The following NAALADL2 variants were observed in gnomAD, a reference collection of about 807,000 sequenced individuals.
NAALADL2 encodes inactive N-acetylated-alpha-linked acidic dipeptidase-like protein 2.
A neutral mutation model predicts 87.2 loss-of-function variants in NAALADL2; 76 were observed. That is an observed-to-expected ratio of 0.87 (90% CI 0.72 to 1.05). NAALADL2 has a LOEUF of 1.05. Among genes scored for constraint, NAALADL2 ranks in the 50% least tolerant of loss-of-function variants. The pLI, the probability that NAALADL2 is intolerant of heterozygous loss-of-function variation, is 0.00. For synonymous variants in NAALADL2, 354 were observed against 331.0 expected, an observed-to-expected ratio of 1.07 and a Z score of -0.75; for missense variants, 1,089 against 945.8, an observed-to-expected ratio of 1.15 and a Z score of -1.99.
intron 5 of NAALADL2, among the ~76,000 whole-genome samples, chr3:175,379,439 C>G (rs894794570): frequency 6.6e-6 from 1 of 152,058 alleles, no homozygotes; most frequent in Non-Finnish European, 1.5e-5. Context: ...GCTTTAGGCA[C>G]TTACAAATGC....
intron 9 of NAALADL2, among the ~76,000 whole-genome samples, chr3:175,520,825 GTGTT>G (rs1317903654): frequency 6.6e-6 from 1 of 152,166 alleles, no homozygotes; most frequent in Non-Finnish European, 1.5e-5. Context: ...TTAGAAGAGA[GTGTT>G]TGTTGATTGG....
At position 175,686,697 on chromosome 3, in the gene NAALADL2, A is replaced by G. The variant is rs73881351; in HGVS notation, c.1897-50609A>G. 4.8e-3 allele frequency among the ~76,000 whole-genome samples: 724 copies of G among 152,274 alleles called. 6 individuals are homozygous for G. The highest frequency in any genetic ancestry group is 0.016 in the African/African-American group (668 of 41,564). The stretch of plus-strand genomic sequence containing the variant: ...TAGATTATTTTCTTCGTGAAGATTT[A>G]TATAACAAATGGTTTCAAACAGCTT... On this transcript the variant is annotated intron_variant, in intron 11 of 13. Coordinates refer to ENST00000454872, the MANE Select transcript of NAALADL2 (RefSeq NM_207015.3).
chr3:175,580,475 A>C (rs1719599625), intron 10 of NAALADL2, among the ~76,000 whole-genome samples: 2 of 152,252 alleles, frequency 1.3e-5, no homozygotes, highest in East Asian at 1.9e-4. Context: ...TTTGGAACTG[A>C]GTCATAATCA....
At chr3:174,997,092 C>T (rs1747601727) in intron 1 of NAALADL2, among the ~76,000 whole-genome samples, 1 of 149,002 alleles carries the variant, frequency 6.7e-6, no homozygotes, top group South Asian at 2.1e-4. Context: ...GGTCCATGAG[C>T]ACTTAGATTG....
intron 2 of NAALADL2, among the ~76,000 whole-genome samples, chr3:175,112,305 C>T (rs1037961583): frequency 6.6e-6 from 1 of 151,490 alleles, no homozygotes; most frequent in Non-Finnish European, 1.5e-5. Context: ...TTTCCTGTCT[C>T]TTCCAAGTCA....
At chr3:175,552,057 A>T (rs1244027476) in intron 9 of NAALADL2, among the ~76,000 whole-genome samples, 3 of 152,058 alleles carry the variant, frequency 2.0e-5, no homozygotes, top group Non-Finnish European at 4.4e-5. Context: ...GCTTAAACCT[A>T]TGTGTATATA....
upstream of NAALADL2, among the ~76,000 whole-genome samples, chr3:174,854,379 G>A (rs1450730896): frequency 6.6e-6 from 1 of 152,124 alleles, no homozygotes; most frequent in African/African-American, 2.4e-5. Context: ...ACTAGTGGAT[G>A]GGAAACCTAG....
At chr3:175,053,401 C>G (rs534439986) in intron 1 of NAALADL2, among the ~76,000 whole-genome samples, 1 of 152,250 alleles carries the variant, frequency 6.6e-6, no homozygotes, top group East Asian at 1.9e-4. Flanking sequence ...TTGATCCTCC[C>G]CAGGTGGTTG....
intron 2 of NAALADL2, among the ~76,000 whole-genome samples, chr3:175,138,187 A>T (rs1729415082): frequency 6.6e-6 from 1 of 152,194 alleles, no homozygotes; most frequent in African/African-American, 2.4e-5. Flanking sequence ...AGGTTCAAAA[A>T]GTCAAAAAAG....
rs1319160216 is a variant in NAALADL2, at chr3:174,441,021, C to G, written c.-195C>G. The G allele has an allele frequency of 2.0e-5, 3 of 152,134 alleles. No individual in the cohort carries two copies. The East Asian group carries it at 5.8e-4, about 29-fold the overall frequency. 9.4% of individuals were successfully genotyped at this position (152,134 alleles called of 1,614,324 possible). On this transcript the variant is annotated 5_prime_UTR_variant, in exon 1 of 4. Transcript: ENST00000434257. The stretch of plus-strand genomic sequence containing the variant: ...GCCGTACCGCAGACGAGCCCGCGCC[C>G]GCGCCGCTCAGGTAATCGGAGTCCT...
rs561499647 is a variant in NAALADL2, at chr3:174,911,483, G to T, written c.43+52033G>T. 3.3e-3 allele frequency among the ~76,000 whole-genome samples: 505 copies of T among 152,210 alleles called. 9 individuals carry two copies. Among genetic ancestry groups the T allele is most frequent in the African/African-American group, 0.011 (471 of 41,504 alleles). On this transcript the variant is annotated intron_variant, in intron 1 of 13. Transcript: ENST00000454872. ...GGATGGAAGTGATTGCTAGAAGATG[G>T]ATAATGAAAGAGGTGACTGGTAAGA...
At chr3:174,894,374 T>C (rs1731232989) in intron 1 of NAALADL2, among the ~76,000 whole-genome samples, 1 of 151,834 alleles carries the variant, frequency 6.6e-6, no homozygotes, top group African/African-American at 2.4e-5. Flanking sequence ...GTGGATCACC[T>C]GAGGTCAGGA....
intron 2 of NAALADL2, among the ~76,000 whole-genome samples, chr3:174,686,422 TCA>T (rs2108840068): frequency 6.6e-6 from 1 of 152,310 alleles, no homozygotes; most frequent in Admixed American, 6.5e-5. Flanking sequence ...AGATGGGATC[TCA>T]TTGTGGTTTT....
chr3:174,788,956 A>G (rs1382403910), intron 3 of NAALADL2, among the ~76,000 whole-genome samples: 1 of 152,184 alleles, frequency 6.6e-6, no homozygotes, highest in Admixed American at 6.5e-5. Flanking sequence ...AGCCCACTTT[A>G]GGGAAGAGTT....
At chr3:174,621,528 A>G (rs1157379278) in intron 2 of NAALADL2, among the ~76,000 whole-genome samples, 1 of 152,152 alleles carries the variant, frequency 6.6e-6, no homozygotes, top group Non-Finnish European at 1.5e-5. Flanking sequence ...GAAATAAATG[A>G]TGACCCTTGA....
At chr3:174,455,835 C>T (rs561186777) in intron 1 of NAALADL2, among the ~76,000 whole-genome samples, 1 of 152,226 alleles carries the variant, frequency 6.6e-6, no homozygotes, top group African/African-American at 2.4e-5. Flanking sequence ...TCTCTCTCAC[C>T]ACTCCTATTC....
intron 5 of NAALADL2, among the ~76,000 whole-genome samples, chr3:175,326,152 AC>A (rs1205571995): frequency 6.6e-6 from 1 of 152,212 alleles, no homozygotes; most frequent in Non-Finnish European, 1.5e-5. Flanking sequence ...TTTAAATTCT[AC>A]CTTCCATAAA....
At chr3:174,654,527 C>A (rs866409629) in intron 2 of NAALADL2, among the ~76,000 whole-genome samples, 5 of 151,920 alleles carry the variant, frequency 3.3e-5, no homozygotes, top group Middle Eastern at 3.2e-3. Context: ...CAAAAAAAAT[C>A]TTTATATTTT....
intron 5 of NAALADL2, among the ~76,000 whole-genome samples, chr3:175,370,127 T>C (rs1451010702): frequency 5.3e-5 from 8 of 152,126 alleles, no homozygotes; most frequent in African/African-American, 1.9e-4. Flanking sequence ...CAATATCCAG[T>C]CATAGTTCAT....
Sources: allele counts gnomAD v4.1 joint callset (sites outside exome capture counted in the v4.1 genomes callset), GRCh38; gene constraint gnomAD v4.1.1; transcripts MANE v1.5; gene names NCBI Gene and HGNC (gene_info 2026-07-23, HGNC 2026-07-21).